CCDC50: variants seen among roughly 807,000 people sequenced by gnomAD.
CCDC50 encodes coiled-coil domain containing 50.
Under a neutral mutation model 70.2 loss-of-function variants are expected in CCDC50, and 54 were observed. The ratio of observed to expected loss-of-function variants is 0.77; its 90% CI spans 0.62 to 0.96. The LOEUF (loss-of-function observed/expected upper bound fraction) is 0.96, where lower values mean the gene tolerates loss of function less well. CCDC50 is among the 50% of genes least tolerant of loss of function. CCDC50 has a pLI of 0.00. For missense variants in CCDC50, 558 were observed against 578.7 expected (o/e 0.96, Z 0.37); for synonymous variants, 216 against 198.8 (o/e 1.09, Z -0.73).
chr3:191,388,930 T>C (rs937563049), intron 10 of CCDC50, among the ~76,000 whole-genome samples: 1 of 151,950 alleles, frequency 6.6e-6, no homozygotes, highest in Non-Finnish European at 1.5e-5. Flanking sequence ...ATCTTTTTTT[T>C]TTTTTTTACA....
At chr3:191,346,221 T>C (rs1711919214) in intron 1 of CCDC50, among the ~76,000 whole-genome samples, 1 of 152,198 alleles carries the variant, frequency 6.6e-6, no homozygotes, top group Admixed American at 6.5e-5. Context: ...TGCTTCACTG[T>C]TTAGATGCTT....
chr3:191,367,801 G>C (rs563645407), intron 4 of CCDC50, among the ~76,000 whole-genome samples: 1 of 152,138 alleles, frequency 6.6e-6, no homozygotes, highest in East Asian at 1.9e-4. Flanking sequence ...AGTTTTGGGT[G>C]CTTAGTAAAC....
intron 1 of CCDC50, among the ~76,000 whole-genome samples, chr3:191,354,407 A>G (rs1712206696): frequency 6.6e-6 from 1 of 152,120 alleles, no homozygotes; most frequent in South Asian, 2.1e-4. Flanking sequence ...TTTAATGTTT[A>G]ATGTTCTGCT....
intron 1 of CCDC50, among the ~76,000 whole-genome samples, chr3:191,341,533 CTGTT>C (rs1187330780): frequency 6.6e-6 from 1 of 152,062 alleles, no homozygotes; most frequent in Non-Finnish European, 1.5e-5. Flanking sequence ...TCTGTATACT[CTGTT>C]TATTTGTATG....
At chr3:191,356,520 T>C (rs1257311479) in intron 1 of CCDC50, among the ~76,000 whole-genome samples, 1 of 152,348 alleles carries the variant, frequency 6.6e-6, no homozygotes, top group East Asian at 1.9e-4. Context: ...ATTGACCCAC[T>C]GAAGAATGTT....
At chr3:191,340,992 A>AT (rs60869726) in intron 1 of CCDC50, among the ~76,000 whole-genome samples, 23,327 of 145,880 alleles carry the variant, frequency 0.16, 2,690 homozygotes, top group African/African-American at 0.33. Flanking sequence ...CAGCTAATTA[A>AT]TTTTTTTTTT....
chr3:191,357,807 A>G (rs1022988801), intron 2 of CCDC50, among the ~76,000 whole-genome samples, 191 bp from the exon 3 acceptor site: 1 of 152,076 alleles, frequency 6.6e-6, no homozygotes, highest in Non-Finnish European at 1.5e-5. Context: ...AATCTTTTTG[A>G]TCCTCTTTTT....
At chr3:191,373,327 C>T (rs1265750869) in intron 5 of CCDC50, among the ~76,000 whole-genome samples, 1 of 152,066 alleles carries the variant, frequency 6.6e-6, no homozygotes, top group East Asian at 1.9e-4. Flanking sequence ...TCAGTCAGCT[C>T]TGTAAAAATG....
intron 6 of CCDC50, among the ~76,000 whole-genome samples, chr3:191,379,447 C>T (rs1397844929): frequency 6.6e-6 from 1 of 152,084 alleles, no homozygotes; most frequent in Admixed American, 6.6e-5. Flanking sequence ...AATACACTCA[C>T]ACTGTCAAGT....
At chr3:191,338,110 A>G (rs1015238704) in intron 1 of CCDC50, among the ~76,000 whole-genome samples, 3 of 152,148 alleles carry the variant, frequency 2.0e-5, no homozygotes, top group African/African-American at 7.2e-5. Context: ...TTAACTGCAT[A>G]TAGTAAAACT....
In CCDC50 at chr3:191,393,684, A is replaced by G. The variant is rs1332817037; in HGVS notation, c.*1924A>G. ...TTTATAGCTGTGATAAAATGGGTAA[A>G]GAAAAACCTCCATTTAAATAAGGAA... On this transcript the variant is annotated 3_prime_UTR_variant, in exon 12 of 12. Transcript: ENST00000392455. 1 of 152,196 alleles carries G rather than the reference A, an allele frequency of 6.6e-6. No homozygotes were observed. The highest frequency in any genetic ancestry group is 1.5e-5 in the Non-Finnish European group (1 of 68,030). The allele number at this position is 152,196 out of a possible 1,614,324, so 9.4% of individuals were successfully genotyped here.
At position 191,389,746 on chromosome 3, in the gene CCDC50, A is replaced by G. The variant is rs1045967865; in HGVS notation, c.1429+144A>G. 7.4e-6 allele frequency: 5 copies of G among 673,942 alleles called. No individual in the cohort carries two copies. In the Admixed American group the frequency reaches 1.0e-4, roughly 14 times the overall value. 41.7% of individuals were successfully genotyped at this position (673,942 alleles called of 1,614,324 possible). A position where few individuals can be genotyped will look rare whatever the true frequency, so the allele number is the denominator to read the frequency against. ...CACATTGTTATAGAACTCCTCATTT[A>G]TTAAAACAGTAACAAAACAGAAAAC... On this transcript the variant is annotated intron_variant, in intron 11 of 11. Coordinates refer to ENST00000392455, the MANE Select transcript of CCDC50 (RefSeq NM_178335.3).
rs1196286602 is a variant in CCDC50 at position 191,397,042 on chromosome 3, G to C, written c.*5282G>C. 6.6e-6 allele frequency: 1 copy of C among 152,130 alleles called. No homozygotes were observed. Among genetic ancestry groups the C allele is most frequent in the Non-Finnish European group, 1.5e-5 (1 of 68,016 alleles). The allele number at this position is 152,130 out of a possible 1,614,324, so 9.4% of individuals were successfully genotyped here. A position where few individuals can be genotyped will look rare whatever the true frequency, so the allele number is the denominator to read the frequency against. On this transcript the variant is annotated 3_prime_UTR_variant, in exon 12 of 12. Transcript: ENST00000392455. ...GTGCAGGTTTCAGCATTTCAGATAA[G>C]GGCATAATTAATTGTGTAACTTAAT...
At chr3:191,383,430 T>A (rs1713388198) in intron 10 of CCDC50, among the ~76,000 whole-genome samples, 1 of 151,658 alleles carries the variant, frequency 6.6e-6, no homozygotes, top group African/African-American at 2.4e-5. Flanking sequence ...TTTTTTTTTT[T>A]AATTGCTTTT....
Position 191,391,851 on chromosome 3 carries a change from G to C in CCDC50, c.*91G>C. Reference sequence around the variant, plus strand: ...ATTCTACACTTACTTTTTTTCTCCTGTGTTTGCATTCCTGGGATTTATCCT... The same window carrying C: ...ATTCTACACTTACTTTTTTTCTCCTCTGTTTGCATTCCTGGGATTTATCCT... On this transcript the variant is annotated 3_prime_UTR_variant, in exon 12 of 12. Coordinates refer to ENST00000392455, the MANE Select transcript of CCDC50 (RefSeq NM_178335.3). 5 of 1,137,666 alleles carry C rather than the reference G, an allele frequency of 4.4e-6. No homozygotes were observed. The highest frequency in any genetic ancestry group is 6.5e-6 in the Non-Finnish European group (5 of 763,780). The allele number at this position is 1,137,666 out of a possible 1,614,324, so 70.5% of individuals were successfully genotyped here. A position where few individuals can be genotyped will look rare whatever the true frequency, so the allele number is the denominator to read the frequency against.
rs1473479171 is a variant in CCDC50, at chr3:191,348,810, A to C, written c.50-8278A>C. 2.8e-5 allele frequency among the ~76,000 whole-genome samples: 4 copies of C among 142,726 alleles called. 1 individual carries two copies. The highest frequency in any genetic ancestry group is 1.0e-4 in the African/African-American group (4 of 40,004). 93.6% of individuals were successfully genotyped at this position (142,726 alleles called of 152,430 possible). ...ACTGTGTTTAGATTTTGTTAATTTC[A>C]ATGGCATGAAAATTTTAGAACACTA... is the stretch of plus-strand genomic sequence containing the variant. On this transcript the variant is annotated intron_variant, in intron 1 of 11. Transcript: ENST00000392455.
At chr3:191,370,334 A>G (rs894836215) in intron 5 of CCDC50, 11 of 354,286 alleles carry the variant, frequency 3.1e-5, no homozygotes, top group African/African-American at 6.4e-5. Flanking sequence ...ATTTAACATT[A>G]GGTATATCGC....
chr3:191,388,669 C>G (rs1179945522), intron 10 of CCDC50, among the ~76,000 whole-genome samples: 1 of 152,150 alleles, frequency 6.6e-6, no homozygotes, highest in African/African-American at 2.4e-5. Context: ...CCAACTATAA[C>G]TTTACAAACT....
At chr3:191,343,168 G>A (rs1166381412) in intron 1 of CCDC50, among the ~76,000 whole-genome samples, 1 of 152,200 alleles carries the variant, frequency 6.6e-6, no homozygotes, top group Non-Finnish European at 1.5e-5. Flanking sequence ...TTTGGTATCT[G>A]TGGGGGTGCT....
Sources: allele counts gnomAD v4.1 joint callset (sites outside exome capture counted in the v4.1 genomes callset), GRCh38; gene constraint gnomAD v4.1.1; transcripts MANE v1.5; gene names NCBI Gene and HGNC (gene_info 2026-07-23, HGNC 2026-07-21).